The following IL1RAPL1 variants were observed in gnomAD, a reference collection of about 807,000 sequenced individuals.
The protein encoded by IL1RAPL1 is interleukin 1 receptor accessory protein like 1.
Under a neutral mutation model 48.4 loss-of-function variants are expected in IL1RAPL1, and 3 were observed. The ratio of observed to expected loss-of-function variants is 0.06; its 90% CI spans 0.03 to 0.16. IL1RAPL1 has a LOEUF of 0.16. Among genes scored for constraint, IL1RAPL1 ranks in the 10% least tolerant of loss-of-function variants. The pLI is 1.00. For missense variants in IL1RAPL1, 349 were observed against 530.6 expected, an observed-to-expected ratio of 0.66 and a Z score of 3.36; for synonymous variants, 185 against 187.7, an observed-to-expected ratio of 0.99 and a Z score of 0.12.
chrX:29,278,525 G>A (rs1177341505), intron 2 of IL1RAPL1, among the ~76,000 whole-genome samples: 1 of 112,233 alleles, frequency 8.9e-6, no homozygotes, highest in African/African-American at 3.2e-5. Flanking sequence ...TCCCATCAGG[G>A]AAGGAGAGTA....
intron 5 of IL1RAPL1, among the ~76,000 whole-genome samples, chrX:29,451,588 T>TA (rs749868189): frequency 8.0e-4 from 89 of 111,747 alleles, no homozygotes; most frequent in African/African-American, 2.7e-3. Context: ...TCCAAGGAGT[T>TA]ACTTGAATTT....
At chrX:29,943,311 A>C (rs752755588) in intron 9 of IL1RAPL1, among the ~76,000 whole-genome samples, 1 of 112,041 alleles carries the variant, frequency 8.9e-6, no homozygotes, top group South Asian at 3.8e-4. Flanking sequence ...TTGAATGAGC[A>C]CCAAGCATAG....
At chrX:29,132,927 A>G (rs1056671923) in intron 2 of IL1RAPL1, among the ~76,000 whole-genome samples, 4 of 111,472 alleles carry the variant, frequency 3.6e-5, no homozygotes, top group African/African-American at 1.3e-4. Context: ...ATATAGGGTG[A>G]TAAAAATAGA....
intron 2 of IL1RAPL1, among the ~76,000 whole-genome samples, chrX:28,964,272 A>G (rs1924864183): frequency 9.0e-6 from 1 of 111,730 alleles, no homozygotes; most frequent in South Asian, 3.7e-4. Flanking sequence ...AACATAAAGT[A>G]TCTACGCATA....
chrX:29,893,436 C>T (rs1932312192), intron 6 of IL1RAPL1, among the ~76,000 whole-genome samples: 1 of 111,027 alleles, frequency 9.0e-6, no homozygotes, highest in East Asian at 2.8e-4. Flanking sequence ...ATTCTACATA[C>T]TATGTTTTCA....
At chrX:29,193,547 T>A (rs1454338810) in intron 2 of IL1RAPL1, among the ~76,000 whole-genome samples, 1 of 110,939 alleles carries the variant, frequency 9.0e-6, no homozygotes, top group Non-Finnish European at 1.9e-5. Context: ...GTAAAACTAC[T>A]CTTTTATAGA....
intron 1 of IL1RAPL1, among the ~76,000 whole-genome samples, chrX:28,663,719 C>A (rs197021): frequency 9.4e-6 from 1 of 106,856 alleles, no homozygotes; most frequent in Non-Finnish European, 1.9e-5. Context: ...CTTTACATAG[C>A]GATCTATTGG....
intron 1 of IL1RAPL1, among the ~76,000 whole-genome samples, chrX:28,762,786 GCACACACACACACACA>G (rs759005946): frequency 3.2e-5 from 2 of 63,000 alleles, no homozygotes; most frequent in Admixed American, 1.9e-4. Context: ...GCACGCGCGC[GCACACACACACACACA>G]CACACACACA....
chrX:29,785,432 G>T (rs758129088), intron 6 of IL1RAPL1, among the ~76,000 whole-genome samples: 8 of 112,123 alleles, frequency 7.1e-5, no homozygotes, highest in Non-Finnish European at 1.1e-4. Flanking sequence ...ATTAGAAAAT[G>T]CTTGATAGTT....
chrX:29,326,499 G>T (rs929601645), intron 3 of IL1RAPL1, among the ~76,000 whole-genome samples: 4 of 112,455 alleles, frequency 3.6e-5, no homozygotes, highest in African/African-American at 1.3e-4. Context: ...TTTAGAATCT[G>T]TGTTTACCTT....
At chrX:29,260,937 T>C (rs1024928728) in intron 2 of IL1RAPL1, among the ~76,000 whole-genome samples, 18 of 107,037 alleles carry the variant, frequency 1.7e-4, no homozygotes, top group Non-Finnish European at 3.3e-4. Context: ...ATAATAAATA[T>C]AGTATAACTG....
chrX:29,354,584 C>G (rs1181797870), intron 3 of IL1RAPL1, among the ~76,000 whole-genome samples: 1 of 112,004 alleles, frequency 8.9e-6, no homozygotes, highest in African/African-American at 3.2e-5. Context: ...GGAACTATGT[C>G]TCACTTCTGC....
At chrX:28,971,044 T>G (rs191350590) in intron 2 of IL1RAPL1, among the ~76,000 whole-genome samples, 1 of 111,167 alleles carries the variant, frequency 9.0e-6, no homozygotes, top group Admixed American at 9.6e-5. Context: ...AAGTATAGAA[T>G]TTTCAGTGTA....
At chrX:29,416,270 C>T (rs1038438770) in intron 5 of IL1RAPL1, among the ~76,000 whole-genome samples, 5 of 111,284 alleles carry the variant, frequency 4.5e-5, no homozygotes, top group African/African-American at 1.6e-4. Context: ...CTGGGCTGGG[C>T]GCATTGGCTC....
intron 5 of IL1RAPL1, among the ~76,000 whole-genome samples, chrX:29,578,213 G>T (rs948786862): frequency 8.9e-6 from 1 of 112,044 alleles, no homozygotes; most frequent in African/African-American, 3.2e-5. Flanking sequence ...ACCAAGTGTT[G>T]CACCATGGGA....
chrX:29,081,735 G>A (rs995271669), intron 2 of IL1RAPL1, among the ~76,000 whole-genome samples: 30 of 111,004 alleles, frequency 2.7e-4, no homozygotes, highest in African/African-American at 9.1e-4. Context: ...AATGGCATAC[G>A]TATTGAAAAT....
chrX:29,426,565 A>G (rs1224724319), intron 5 of IL1RAPL1, among the ~76,000 whole-genome samples: 1 of 111,786 alleles, frequency 8.9e-6, no homozygotes, highest in Non-Finnish European at 1.9e-5. Flanking sequence ...AATGTTGGGA[A>G]CAATATTTAA....
intron 1 of IL1RAPL1, among the ~76,000 whole-genome samples, chrX:28,707,819 T>G (rs768197688): frequency 8.9e-6 from 1 of 112,153 alleles, no homozygotes; most frequent in Admixed American, 9.5e-5. Context: ...CTCCATTGAC[T>G]CAGTATAAAT....
intron 2 of IL1RAPL1, among the ~76,000 whole-genome samples, chrX:29,183,652 C>T (rs1443796347): frequency 8.9e-6 from 1 of 111,746 alleles, no homozygotes; most frequent in Non-Finnish European, 1.9e-5. Flanking sequence ...GAATGAGATG[C>T]CCTCCTCTCT....
Sources: gnomAD v4.1 joint callset for allele counts (sites outside exome capture counted in the v4.1 genomes callset) on GRCh38, gnomAD v4.1.1 for gene constraint, MANE v1.5 for transcripts, NCBI Gene and HGNC (gene_info 2026-07-23, HGNC 2026-07-21) for gene names.